The following WDR49 variants were observed in gnomAD, a reference collection of about 807,000 sequenced individuals.
WDR49 encodes the protein WD repeat domain 49, also known as cilia- and flagella-associated protein 337.
WDR49 carries 107 observed loss-of-function variants against 119.5 expected under a neutral mutation model. That is an observed-to-expected ratio of 0.90 (90% confidence interval 0.77 to 1.05). WDR49 has a LOEUF of 1.05. Ranked by LOEUF, WDR49 falls within the 50% of genes least tolerant of loss-of-function variation. WDR49 has a pLI of 0.00. For synonymous variants in WDR49, 425 were observed against 418.8 expected (o/e 1.01, Z -0.18); for missense variants, 1,240 against 1,220.5 (o/e 1.02, Z -0.24).
intron 7 of WDR49, among the ~76,000 whole-genome samples, chr3:167,592,419 T>C (rs1715164195): frequency 6.6e-6 from 1 of 151,494 alleles, no homozygotes; most frequent in Non-Finnish European, 1.5e-5. Context: ...TACCGTTAGA[T>C]GATTTCTTTT....
intron 16 of WDR49, among the ~76,000 whole-genome samples, chr3:167,519,013 C>A (rs1436053954): frequency 2.0e-5 from 3 of 151,164 alleles, no homozygotes; most frequent in African/African-American, 7.3e-5. Context: ...AACCAACAAA[C>A]AAATGAAAAA....
At chr3:167,536,456 A>G (rs1044151266) in intron 11 of WDR49, among the ~76,000 whole-genome samples, 1 of 151,826 alleles carries the variant, frequency 6.6e-6, no homozygotes, top group African/African-American at 2.4e-5. Context: ...ATGCAGGTGA[A>G]TTGCTTGAGC....
chr3:167,545,509 T>TTATATATATATATATATA (rs141981277), intron 10 of WDR49, among the ~76,000 whole-genome samples: 2 of 108,298 alleles, frequency 1.8e-5, no homozygotes, highest in Non-Finnish European at 2.1e-5. Context: ...ATATTATATA[T>TTATATATATATATATATA]TATATATATA....
At position 167,606,882 on chromosome 3, in the gene WDR49, C is replaced by T. The variant is rs1278220310; in HGVS notation, c.959-2414G>A. 1.1e-4 allele frequency among the ~76,000 whole-genome samples: 17 copies of T among 152,284 alleles called. No individual in the cohort carries two copies. The South Asian group carries it at 3.3e-3, about 30-fold the overall frequency. On this transcript the variant is annotated intron_variant, in intron 5 of 18. Coordinates refer to ENST00000682715, the MANE Select transcript of WDR49 (RefSeq NM_001366157.1). ...CAAGAGAAAAGCACAAAAAATTCAT[C>T]TGATCATAGATTTACATGACACAGG...
chr3:167,536,715 A>G (rs1182107150), intron 11 of WDR49, among the ~76,000 whole-genome samples, 155 bp downstream of exon 11: 1 of 129,768 alleles, frequency 7.7e-6, no homozygotes, highest in African/African-American at 3.5e-5. Context: ...ACACACACAT[A>G]TATATATATA....
intron 9 of WDR49, among the ~76,000 whole-genome samples, chr3:167,557,007 A>T (rs1410573841): frequency 6.6e-6 from 1 of 152,130 alleles, no homozygotes; most frequent in Non-Finnish European, 1.5e-5. Flanking sequence ...CCTGAGTGAC[A>T]GAGTGAGACT....
intron 7 of WDR49, among the ~76,000 whole-genome samples, chr3:167,586,572 A>G (rs1714826222): frequency 1.3e-5 from 2 of 152,222 alleles, no homozygotes; most frequent in Admixed American, 6.5e-5. Flanking sequence ...AAAGCTCTTG[A>G]AAACATAATG....
rs548255383 is a variant in WDR49 at position 167,603,280 on chromosome 3, G to A, written c.1127-1005C>T. ...ATCCTTATTTTTTCCAGCACTATAGGAGGTACAAAGTAATTATTATTATAC... is the reference window on the plus strand; with the variant it reads ...ATCCTTATTTTTTCCAGCACTATAGAAGGTACAAAGTAATTATTATTATAC... On this transcript the variant is annotated intron_variant, in intron 6 of 18. Transcript: ENST00000682715. Among the ~76,000 whole-genome samples the A allele has an allele frequency of 3.3e-4, 50 of 152,112 alleles. 1 individual carries two copies. In the South Asian group the frequency reaches 0.01, roughly 31 times the overall value.
chr3:167,505,171 A>G (rs1196989826), intron 17 of WDR49, 136 bp downstream of exon 17: 11 of 1,166,064 alleles, frequency 9.4e-6, no homozygotes, highest in Non-Finnish European at 1.2e-5. Context: ...CTCCTTTGTT[A>G]AATGGGGTTC....
Position 167,601,583 on chromosome 3 carries a change from T to C in WDR49, c.1275+544A>G, listed in dbSNP as rs1033218659. Among the ~76,000 whole-genome samples the C allele has an allele frequency of 9.9e-5, 15 of 152,214 alleles. No homozygotes were observed. The South Asian group carries it at 2.9e-3, about 29-fold the overall frequency. On this transcript the variant is annotated intron_variant, in intron 7 of 18. Transcript: ENST00000682715. ...TAAATAGTGTTGTCAGGATTCAACC[T>C]GGACTCTACGGCTCTAGTGCCATAT...
intron 10 of WDR49, among the ~76,000 whole-genome samples, chr3:167,543,678 A>G (rs11706945): frequency 0.26 from 39,092 of 151,994 alleles, 5,326 homozygotes; most frequent in South Asian, 0.31. Flanking sequence ...ACCCACAGCC[A>G]ACATTATGTT....
intron 8 of WDR49, chr3:167,575,288 G>T (rs1481312624): frequency 4.1e-6 from 4 of 985,944 alleles, no homozygotes; most frequent in African/African-American, 1.7e-5. Context: ...TCCAAGAAGG[G>T]CTGTGGTCTG....
At chr3:167,620,222 T>C (rs537037950) in intron 5 of WDR49, among the ~76,000 whole-genome samples, 2 of 151,924 alleles carry the variant, frequency 1.3e-5, no homozygotes, top group Admixed American at 6.6e-5. Flanking sequence ...GAATTAATTG[T>C]ATGAGGCATA....
chr3:167,525,096 T>C (rs992387078), intron 15 of WDR49, among the ~76,000 whole-genome samples: 2 of 152,162 alleles, frequency 1.3e-5, no homozygotes, highest in African/African-American at 4.8e-5. Context: ...CAACGATTTG[T>C]AGTTCTCCTT....
chr3:167,481,233 C>A (rs1330450466), intron 18 of WDR49, among the ~76,000 whole-genome samples: 1 of 152,086 alleles, frequency 6.6e-6, no homozygotes, highest in African/African-American at 2.4e-5. Flanking sequence ...AAAATATTGC[C>A]ATTGCACAAA....
chr3:167,513,286 G>T (rs142787226), intron 16 of WDR49, among the ~76,000 whole-genome samples: 1 of 152,170 alleles, frequency 6.6e-6, no homozygotes, highest in African/African-American at 2.4e-5. Flanking sequence ...AGAAGAGATT[G>T]GGGGGAGGGG....
chr3:167,514,656 CA>C (rs1188402431), intron 16 of WDR49, among the ~76,000 whole-genome samples: 4 of 150,740 alleles, frequency 2.7e-5, no homozygotes, highest in African/African-American at 4.9e-5. Flanking sequence ...CACACACACA[CA>C]CACACACACA....
At chr3:167,560,016 AT>A in intron 9 of WDR49, 47 bp downstream of exon 9, 3 of 1,597,026 alleles carry the variant, frequency 1.9e-6, no homozygotes, top group Non-Finnish European at 2.6e-6. Flanking sequence ...CTGGCATAGT[AT>A]TTTAGTCTCC....
chr3:167,612,256 G>T (rs1006207236), intron 5 of WDR49, among the ~76,000 whole-genome samples: 1 of 151,850 alleles, frequency 6.6e-6, no homozygotes, highest in Non-Finnish European at 1.5e-5. Flanking sequence ...AAGAAATTAA[G>T]AAGGAAATTG....
Sources: gnomAD v4.1 joint callset for allele counts (sites outside exome capture counted in the v4.1 genomes callset) on GRCh38, gnomAD v4.1.1 for gene constraint, MANE v1.5 for transcripts, NCBI Gene and HGNC (gene_info 2026-07-23, HGNC 2026-07-21) for gene names.